RPS6KB2: variants seen among roughly 807,000 people sequenced by gnomAD.
RPS6KB2 encodes the protein ribosomal protein S6 kinase B2, also known as ribosomal protein S6 kinase beta-2.
In RPS6KB2, 51 loss-of-function variants were observed where a neutral mutation model predicts 58.2. The observed-to-expected ratio is 0.88, with a 90% CI of 0.70 to 1.11. The LOEUF is 1.11. RPS6KB2 is among the 50% of genes least tolerant of loss of function. The probability of loss-of-function intolerance (pLI) is 0.00; values close to 1 mark genes in which losing one functional copy is unlikely to be tolerated. For missense variants in RPS6KB2, 671 were observed against 655.8 expected (o/e 1.02, Z -0.25); for synonymous variants, 293 against 258.6 (o/e 1.13, Z -1.28).
At chr11:67,432,930 C>T in intron 7 of RPS6KB2, 22 bp from the exon 8 acceptor site, 1 of 1,612,408 alleles carries the variant, frequency 6.2e-7, no homozygotes, top group Non-Finnish European at 8.5e-7. Flanking sequence ...CCTGGTCACG[C>T]CTCTCCAACA....
chr11:67,435,018 T>C lies in RPS6KB2; in HGVS notation c.1298T>C (p.Phe433Ser). 6.2e-7 allele frequency: 1 copy of C among 1,613,480 alleles called. No individual in the cohort carries two copies. The highest frequency in any genetic ancestry group is 8.5e-7 in the Non-Finnish European group (1 of 1,179,810). Reference protein sequence around the residue: ...SPLKFSPFEGFRPSPSLPEPT... With the variant: ...SPLKFSPFEGSRPSPSLPEPT... ...CTCAAGTTCTCCCCTTTTGAGGGGT[T>C]TCGGCCCAGCCCCAGCCTGCCGGAG... The change falls in exon 15 of 15, where the codon TTT becomes TCT. Residue 433 changes from phenylalanine to serine, a missense_variant. By Grantham distance (155) the Phe-to-Ser change is radical. Coordinates refer to ENST00000312629, the MANE Select transcript of RPS6KB2 (RefSeq NM_003952.3).
intron 8 of RPS6KB2, 37 bp from the exon 9 acceptor site, chr11:67,433,089 G>A: frequency 6.2e-7 from 1 of 1,611,010 alleles, no homozygotes; most frequent in Non-Finnish European, 8.5e-7. Context: ...CAGCCCGAAG[G>A]GGCACGGCCT....
chr11:67,432,923 G>A, intron 7 of RPS6KB2, 29 bp from the exon 8 acceptor site: 1 of 1,611,498 alleles, frequency 6.2e-7, no homozygotes, highest in Non-Finnish European at 8.5e-7. Context: ...GTGGGGCCCT[G>A]GTCACGCCTC....
Position 67,434,032 on chromosome 11 carries a change from G to A in RPS6KB2, c.944G>A (p.Gly315Asp). 6.2e-7 allele frequency: 1 copy of A among 1,614,140 alleles called. No homozygotes were observed. The highest frequency in any genetic ancestry group is 8.5e-7 in the Non-Finnish European group (1 of 1,180,022). Residue 315 changes from glycine (G) to aspartate (D), a missense_variant, in exon 11 of 15, where the codon GGC becomes GAC. Coordinates refer to ENST00000312629, the MANE Select transcript of RPS6KB2 (RefSeq NM_003952.3). ...AATCCCAGCCAGCGGATTGGGGGTGGCCCAGGGGATGCTGCTGATGTGCAG... is the reference window on the plus strand; with the variant it reads ...AATCCCAGCCAGCGGATTGGGGGTGACCCAGGGGATGCTGCTGATGTGCAG... ...KRNPSQRIGGGPGDAADVQRH... is the reference protein window; with the variant it reads ...KRNPSQRIGGDPGDAADVQRH...
intron 4 of RPS6KB2, chr11:67,429,846 C>A: frequency 5.0e-6 from 2 of 401,560 alleles, no homozygotes; most frequent in Non-Finnish European, 9.1e-6. Flanking sequence ...CGGAGTCTTG[C>A]TCTGTCACCC....
Position 67,435,084 on chromosome 11 carries a change from C to T in RPS6KB2, c.1364C>T (p.Pro455Leu), listed in dbSNP as rs201231114. ...CTACCTCCACTCCTGCCACCGCCGC[C>T]GCCCTCGACCACCGCCCCTCTCCCC... is the stretch of plus-strand genomic sequence containing the variant. ...LPLPPLLPPP[P>L]PSTTAPLPIR... is the part of the protein sequence containing the mutation. The change falls in exon 15 of 15, where the codon CCG becomes CTG. Residue 455 changes from proline (P) to leucine (L), a missense_variant. Coordinates refer to ENST00000312629, the MANE Select transcript of RPS6KB2 (RefSeq NM_003952.3). 20 of 1,610,594 alleles carry T rather than the reference C, an allele frequency of 1.2e-5. No individual in the cohort carries two copies. Among genetic ancestry groups the T allele is most frequent in the African/African-American group, 6.7e-5 (5 of 75,034 alleles).
intron 4 of RPS6KB2, 107 bp from the exon 5 acceptor site, chr11:67,431,261 C>G: frequency 9.2e-7 from 1 of 1,081,966 alleles, no homozygotes; most frequent in Non-Finnish European, 1.4e-6. Flanking sequence ...AATTCCTGAC[C>G]TCAGGTAATC....
intron 5 of RPS6KB2, chr11:67,432,218 G>A: frequency 4.3e-6 from 2 of 460,692 alleles, no homozygotes; most frequent in Non-Finnish European, 8.6e-6. Flanking sequence ...AGCAAACCGC[G>A]CTTTCTCTGT....
At chr11:67,429,451 G>A (rs1454167153) in intron 3 of RPS6KB2, 76 bp from the exon 4 acceptor site, 1 of 1,483,482 alleles carries the variant, frequency 6.7e-7, no homozygotes, top group African/African-American at 1.4e-5. Flanking sequence ...TGATCCCAAA[G>A]CCAGAGCTTC....
intron 11 of RPS6KB2, 47 bp downstream of exon 11, chr11:67,434,104 G>C: frequency 6.2e-7 from 1 of 1,612,880 alleles, no homozygotes; most frequent in Non-Finnish European, 8.5e-7. Flanking sequence ...CTCCAAGGGT[G>C]CCGGGAATGG....
chr11:67,434,930 T>G, intron 14 of RPS6KB2, 59 bp from the exon 15 acceptor site: 1 of 1,504,584 alleles, frequency 6.6e-7, no homozygotes, highest in African/African-American at 1.4e-5. Flanking sequence ...CCTGACTGAG[T>G]GCTGGGAGCC....
rs1191900046 is a variant in RPS6KB2, at chr11:67,428,495, G to T, written c.-51G>T. ...ATGATGTTTAGGTCCGGGACTGTCAGTCAGTGCGCGGCCAGGTACGGGCCG... is the reference window on the plus strand; with the variant it reads ...ATGATGTTTAGGTCCGGGACTGTCATTCAGTGCGCGGCCAGGTACGGGCCG... On this transcript the variant is annotated 5_prime_UTR_variant, in exon 1 of 15. Transcript: ENST00000312629. 16 of 1,525,750 alleles carry T rather than the reference G, an allele frequency of 1.0e-5. No homozygotes were observed. The highest frequency in any genetic ancestry group is 1.3e-5 in the Non-Finnish European group (15 of 1,114,392). The allele number at this position is 1,525,750 out of a possible 1,614,324, so 94.5% of individuals were successfully genotyped here. A position where few individuals can be genotyped will look rare whatever the true frequency, so the allele number is the denominator to read the frequency against.
rs1206901503 is a variant in RPS6KB2, at chr11:67,431,738, G to C, written c.457+223G>C. 5.7e-6 allele frequency: 3 copies of C among 524,572 alleles called. No individual in the cohort carries two copies. In the East Asian group the frequency reaches 9.9e-5, roughly 17 times the overall value. The allele number at this position is 524,572 out of a possible 1,614,324, so 32.5% of individuals were successfully genotyped here. ...CCTACTGTGTCCCTCACGTGTGTTG[G>C]GGGTGGATGGGCATGGTGCGAATTT... is the stretch of plus-strand genomic sequence containing the variant. On this transcript the variant is annotated intron_variant, in intron 5 of 14. Coordinates refer to ENST00000312629, the MANE Select transcript of RPS6KB2 (RefSeq NM_003952.3).
At chr11:67,432,569 G>A (rs748760675) in intron 5 of RPS6KB2, 31 bp from the exon 6 acceptor site, 13 of 1,613,224 alleles carry the variant, frequency 8.1e-6, no homozygotes. Flanking sequence ...CTTGGACCCA[G>A]CACGTGGCTG....
chr11:67,432,178 C>T, intron 5 of RPS6KB2: 16 of 395,090 alleles, frequency 4.0e-5, no homozygotes, highest in South Asian at 3.1e-4. Context: ...TGCATTCGCT[C>T]CGTCCATCTC....
Position 67,429,165 on chromosome 11 carries a change from G to A in RPS6KB2, c.165G>A (p.Val55=). 6.2e-7 allele frequency: 1 copy of A among 1,613,966 alleles called. No individual in the cohort carries two copies. The highest frequency in any genetic ancestry group is 1.1e-5 in the South Asian group (1 of 91,090). The change falls in exon 3 of 15, where the codon GTG becomes GTA. Residue 55 remains valine (V), a synonymous_variant. Transcript: ENST00000312629. The part of the protein sequence containing the change: ...YEEVELTETS[V]NVGPERIGPH... ...AGGTGGAGCTGACTGAGACCAGCGT[G>A]AACGTTGGCCCAGAGCGCATCGGGC...
At chr11:67,429,408 C>T (rs570648392) in intron 3 of RPS6KB2, 119 bp from the exon 4 acceptor site, 24 of 1,360,374 alleles carry the variant, frequency 1.8e-5, no homozygotes, top group Admixed American at 2.0e-5. Flanking sequence ...TTGAAATCTT[C>T]ACTGCCCCAC....
chr11:67,429,010 C>T lies in RPS6KB2; in HGVS notation c.107C>T (p.Ala36Val), dbSNP rs1211609788. The T allele has an allele frequency of 1.9e-6, 3 of 1,613,778 alleles. No homozygotes were observed. The highest frequency in any genetic ancestry group is 1.3e-5 in the African/African-American group (1 of 74,846). The change falls in exon 2 of 15, where the codon GCA becomes GTA. Residue 36 changes from alanine (A) to valine (V), a missense_variant. Physicochemically the swap from Ala to Val is moderately conservative, Grantham distance 64 (BLOSUM62 0). Transcript: ENST00000312629. The stretch of plus-strand genomic sequence containing the variant: ...GCATGTCCCCTTGCCGAGTTGAGGG[C>T]AGCTGGCCTAGAGTGAGTGAGGGTC... ...ADACPLAELR[A>V]AGLEPVGHYE...
Position 67,431,525 on chromosome 11 carries a change from C to G in RPS6KB2, c.457+10C>G. 6.2e-7 allele frequency: 1 copy of G among 1,612,288 alleles called. No individual in the cohort carries two copies. Among genetic ancestry groups the G allele is most frequent in the South Asian group, 1.1e-5 (1 of 90,996 alleles). On this transcript the variant is annotated intron_variant, in intron 5 of 14. Transcript: ENST00000312629. ...CTTGAGTGCCTCAGTGGTATGAGTG[C>G]GGGCCCAGGCAGGGGTGCTGGGGGT...
Sources: gnomAD v4.1 joint callset for allele counts on GRCh38, gnomAD v4.1.1 for gene constraint, MANE v1.5 for transcripts, NCBI Gene and HGNC (gene_info 2026-07-23, HGNC 2026-07-21) for gene names.